Variants in TTLL6 observed in about 807,000 individuals in gnomAD.
The protein encoded by TTLL6 is tubulin tyrosine ligase like 6.
A neutral mutation model predicts 96.4 loss-of-function variants in TTLL6; 75 were observed. The observed-to-expected ratio is 0.78, with a 90% CI of 0.65 to 0.94. The LOEUF (loss-of-function observed/expected upper bound fraction) is 0.94. Ranked by LOEUF, TTLL6 falls within the 40% of genes least tolerant of loss-of-function variation. The pLI is 0.00. For synonymous variants in TTLL6, 411 were observed against 419.4 expected (o/e 0.98, Z 0.24); for missense variants, 1,030 against 1,093.0 (o/e 0.94, Z 0.81).
intron 13 of TTLL6, among the ~76,000 whole-genome samples, chr17:48,773,997 G>T (rs1435721528): frequency 6.9e-6 from 1 of 144,370 alleles, no homozygotes; most frequent in Non-Finnish European, 1.5e-5. Flanking sequence ...CAGGAGAATC[G>T]CTTGAACCTG....
At chr17:48,763,560 G>A (rs1278053599) in intron 15 of TTLL6, among the ~76,000 whole-genome samples, 1 of 152,200 alleles carries the variant, frequency 6.6e-6, no homozygotes, top group East Asian at 1.9e-4. Flanking sequence ...TCTTTGGGAG[G>A]CTGAGGCAGG....
chr17:48,784,630 G>A (rs1039638643), intron 13 of TTLL6, among the ~76,000 whole-genome samples: 2 of 152,114 alleles, frequency 1.3e-5, no homozygotes, highest in African/African-American at 2.4e-5. Flanking sequence ...CAAGAACTGT[G>A]AGAGAATAAA....
chr17:48,780,085 C>T (rs1395359663), intron 13 of TTLL6, among the ~76,000 whole-genome samples: 1 of 148,796 alleles, frequency 6.7e-6, no homozygotes, highest in Non-Finnish European at 1.5e-5. Flanking sequence ...AAATAGGGCT[C>T]AGAAAAAAAA....
At chr17:48,816,498 C>T (rs1385576180) in intron 1 of TTLL6, among the ~76,000 whole-genome samples, 1 of 152,014 alleles carries the variant, frequency 6.6e-6, no homozygotes, top group Non-Finnish European at 1.5e-5. Flanking sequence ...TGAGAAATAA[C>T]AACTGGAAAT....
intron 13 of TTLL6, among the ~76,000 whole-genome samples, chr17:48,777,777 G>C (rs1018314457): frequency 3.3e-5 from 5 of 151,994 alleles, no homozygotes; most frequent in African/African-American, 1.2e-4. Flanking sequence ...CGGGCATGGT[G>C]GTGGGCGCCT....
chr17:48,794,170 A>G (rs759365596), intron 8 of TTLL6: 101 of 1,613,456 alleles, frequency 6.3e-5, no homozygotes, highest in Non-Finnish European at 8.1e-5. Flanking sequence ...GAAATGGAAG[A>G]GGCAGAACAA....
In TTLL6 at chr17:48,817,204, C is replaced by A; in HGVS notation, c.-132G>T. 1.7e-6 allele frequency: 1 copy of A among 574,322 alleles called. No individual in the cohort carries two copies. Among genetic ancestry groups the A allele is most frequent in the Non-Finnish European group, 2.9e-6 (1 of 350,056 alleles). The allele number at this position is 574,322 out of a possible 1,614,324, so 35.6% of individuals were successfully genotyped here. A position where few individuals can be genotyped will look rare whatever the true frequency, so the allele number is the denominator to read the frequency against. On this transcript the variant is annotated 5_prime_UTR_variant, in exon 1 of 16. Transcript: ENST00000393382. ...AGTAGCTGCCATGCCCCCTCCCTCC[C>A]GAATCCAATTAACCGCCCAGGCGCT... is the stretch of plus-strand genomic sequence containing the variant.
rs1185486648 is a variant in TTLL6 at position 48,791,484 on chromosome 17, T to C, written c.1118A>G (p.His373Arg). ...GTTGGGGAAGCAGGTGTGGTAGTTA[T>C]GCCTGATGATGGGGTGGGCCGAGAT... is the stretch of plus-strand genomic sequence containing the variant. Reference protein sequence around the residue: ...TLISAHPIIRHNYHTCFPNHT... With the variant: ...TLISAHPIIRRNYHTCFPNHT... The change falls in exon 9 of 16, where the codon CAT becomes CGT. Residue 373 changes from histidine (H) to arginine (R), a missense_variant. Transcript: ENST00000393382. The C allele has an allele frequency of 6.8e-6, 11 of 1,614,204 alleles. No homozygotes were observed. The highest frequency in any genetic ancestry group is 9.3e-6 in the Non-Finnish European group (11 of 1,180,030).
intron 8 of TTLL6, among the ~76,000 whole-genome samples, 153 bp from the exon 9 acceptor site, chr17:48,791,756 C>T (rs1294444256): frequency 6.6e-6 from 1 of 152,148 alleles, no homozygotes; most frequent in Non-Finnish European, 1.5e-5. Context: ...TGGGCTGTGT[C>T]GGTGCCAGAT....
Position 48,776,313 on chromosome 17 carries a change from A to T in TTLL6, c.2041-6216T>A, listed in dbSNP as rs528655705. Among the ~76,000 whole-genome samples the T allele has an allele frequency of 2.4e-4, 37 of 152,208 alleles. No individual in the cohort carries two copies. The South Asian group carries it at 6.4e-3, about 26-fold the overall frequency. On this transcript the variant is annotated intron_variant, in intron 13 of 15. Coordinates refer to ENST00000393382, the MANE Select transcript of TTLL6 (RefSeq NM_001130918.3). ...AACCCTGTCTCTACTAAAATAAAAT[A>T]AAAAAATTAGCCAGGTGTGCGCCTG...
At chr17:48,784,346 A>C (rs1030516633) in intron 13 of TTLL6, among the ~76,000 whole-genome samples, 9 of 152,226 alleles carry the variant, frequency 5.9e-5, no homozygotes, top group Admixed American at 4.6e-4. Flanking sequence ...CAGAGGTTGC[A>C]GTGAGCGGAG....
At chr17:48,770,208 G>C (rs896076407) in intron 13 of TTLL6, 111 bp from the exon 14 acceptor site, 1 of 1,427,062 alleles carries the variant, frequency 7.0e-7, no homozygotes, top group Non-Finnish European at 9.2e-7. Flanking sequence ...TGCTGCCCAG[G>C]CTGGCCTCAA....
At chr17:48,800,259 C>T (rs577822154) in intron 5 of TTLL6, 2 of 153,850 alleles carry the variant, frequency 1.3e-5, no homozygotes, top group East Asian at 1.9e-4. Context: ...TGCTGGGCTT[C>T]AGTGTTTCGT....
At chr17:48,797,924 T>G (rs2039347996) in intron 6 of TTLL6, among the ~76,000 whole-genome samples, 1 of 150,290 alleles carries the variant, frequency 6.7e-6, no homozygotes, top group Non-Finnish European at 1.5e-5. Flanking sequence ...GGCAACAAAG[T>G]GAGACCTTTT....
intron 3 of TTLL6, 49 bp from the exon 4 acceptor site, chr17:48,801,692 T>G (rs2039418328): frequency 1.4e-6 from 2 of 1,471,344 alleles, no homozygotes; most frequent in African/African-American, 2.8e-5. Flanking sequence ...GGGAGGAGTA[T>G]GGGGTGGGGA....
chr17:48,817,016 G>C lies in TTLL6; in HGVS notation c.57C>G (p.Ser19Arg), dbSNP rs1469364734. 3 of 1,544,280 alleles carry C rather than the reference G, an allele frequency of 1.9e-6. No individual in the cohort carries two copies. The highest frequency in any genetic ancestry group is 2.7e-5 in the African/African-American group (2 of 72,792). Residue 19 changes from serine (S) to arginine (R), a missense_variant, in exon 1 of 16, where the codon AGC becomes AGG. By Grantham distance (110) the Ser-to-Arg change is moderately radical. Coordinates refer to ENST00000393382, the MANE Select transcript of TTLL6 (RefSeq NM_001130918.3). ...CTCGCCCCGCTGGGCTGCTAGTCCA[G>C]CTTGCAACCACACCTGCCGGCCCCC... ...SRRGPAGVVA[S>R]WTSSPAGRDG... is the part of the protein sequence containing the mutation.
At chr17:48,773,821 G>A (rs1050510844) in intron 13 of TTLL6, among the ~76,000 whole-genome samples, 5 of 151,884 alleles carry the variant, frequency 3.3e-5, no homozygotes, top group Admixed American at 1.3e-4. Flanking sequence ...GGTGGCTTAC[G>A]CCTGCAATCC....
Position 48,770,087 on chromosome 17 carries a change from G to A in TTLL6, c.2051C>T (p.Ser684Phe). 6.2e-7 allele frequency: 1 copy of A among 1,602,536 alleles called. No homozygotes were observed. Among genetic ancestry groups the A allele is most frequent in the Non-Finnish European group, 8.5e-7 (1 of 1,172,494 alleles). ...NVFTGTVHLTSVETTPESTTQ... is the reference protein window; with the variant it reads ...NVFTGTVHLTFVETTPESTTQ... ...GGTGGATTCTGGGGTGGTTTCTACG[G>A]AGGTTAAGTGCTGGAAGAAAAGACA... The change falls in exon 14 of 16, where the codon TCC becomes TTC. Residue 684 changes from serine to phenylalanine, a missense_variant. Transcript: ENST00000393382.
intron 15 of TTLL6, among the ~76,000 whole-genome samples, chr17:48,768,358 C>T (rs111532206): frequency 0.25 from 38,132 of 151,922 alleles, 4,886 homozygotes; most frequent in Admixed American, 0.38. Flanking sequence ...GCAACCTCTC[C>T]CTCCCGGGTT....
Sources: allele counts gnomAD v4.1 joint callset (sites outside exome capture counted in the v4.1 genomes callset), GRCh38; gene constraint gnomAD v4.1.1; transcripts MANE v1.5; gene names NCBI Gene and HGNC (gene_info 2026-07-23, HGNC 2026-07-21).